Variants in NBPF3 observed in about 807,000 individuals in gnomAD.
NBPF3 encodes NBPF member 3.
A neutral mutation model predicts 78.1 loss-of-function variants in NBPF3; 57 were observed. That is an observed-to-expected ratio of 0.73 (90% CI 0.59 to 0.91). The LOEUF (loss-of-function observed/expected upper bound fraction) is 0.91. NBPF3 is among the 40% of genes least tolerant of loss of function. The pLI is 0.00. For synonymous variants in NBPF3, 182 were observed against 271.7 expected, an observed-to-expected ratio of 0.67 and a Z score of 3.25; for missense variants, 510 against 715.3, an observed-to-expected ratio of 0.71 and a Z score of 3.27.
At chr1:21,438,775 C>A (rs6668141), upstream of NBPF3, among the ~76,000 whole-genome samples, 1 of 152,098 alleles carries the variant, frequency 6.6e-6, no homozygotes, top group South Asian at 2.1e-4. Flanking sequence ...TTCCCTAGGG[C>A]CTGGGGTGAG....
chr1:21,466,028 T>A (rs1642242283), intron 2 of NBPF3: 1 of 749,880 alleles, frequency 1.3e-6, no homozygotes, highest in Non-Finnish European at 1.6e-6. Context: ...CACTCTACAG[T>A]ATGGGTTGCC....
intron 2 of NBPF3, chr1:21,466,257 AAT>A: frequency 4.3e-6 from 1 of 231,382 alleles, no homozygotes; most frequent in Admixed American, 6.7e-5. Flanking sequence ...CATCTTCAAA[AAT>A]CCAAACTAAT....
chr1:21,439,500 AT>A (rs756863674), upstream of NBPF3, among the ~76,000 whole-genome samples: 16 of 146,118 alleles, frequency 1.1e-4, no homozygotes, highest in Admixed American at 2.7e-4. Flanking sequence ...AAAAAAAAAA[AT>A]AAAAATAAAA....
At chr1:21,468,291 G>A (rs2147977893) in intron 2 of NBPF3, 1 of 657,042 alleles carries the variant, frequency 1.5e-6, no homozygotes, top group South Asian at 3.4e-5. Context: ...CGAACACTGA[G>A]AGTGAATTTT....
At chr1:21,437,821 ATTT>A (rs3053525), upstream of NBPF3, among the ~76,000 whole-genome samples, 789 of 143,438 alleles carry the variant, frequency 5.5e-3, 11 homozygotes, top group African/African-American at 0.018. Context: ...TGCCTGGCTA[ATTT>A]TTTTTTTTTT....
intron 2 of NBPF3, chr1:21,467,221 T>G (rs1642323405): frequency 6.1e-6 from 6 of 985,424 alleles, no homozygotes; most frequent in Non-Finnish European, 7.2e-6. Flanking sequence ...GAGACATGCT[T>G]TGAAATGGGA....
chr1:21,456,209 C>G (rs1273862104), intron 2 of NBPF3, among the ~76,000 whole-genome samples: 2 of 152,198 alleles, frequency 1.3e-5, no homozygotes, highest in African/African-American at 4.8e-5. Flanking sequence ...TTTACGCCCA[C>G]TAGAGCAAAA....
rs1441933371 is a variant in NBPF3, at chr1:21,483,872, A to G, written c.*486A>G. On this transcript the variant is annotated 3_prime_UTR_variant, in exon 15 of 15. Coordinates refer to ENST00000318249, the MANE Select transcript of NBPF3 (RefSeq NM_032264.6). ...GATCCTTGGCTGAGGATTGTATTTC[A>G]GAACCACTGACTGCTCTTGACAGTT... 1 of 132,022 alleles carries G rather than the reference A, an allele frequency of 7.6e-6. No individual in the cohort carries two copies. The highest frequency in any genetic ancestry group is 2.4e-4 in the East Asian group (1 of 4,228). The allele number at this position is 132,022 out of a possible 1,614,324, so 8.2% of individuals were successfully genotyped here. A position where few individuals can be genotyped will look rare whatever the true frequency, so the allele number is the denominator to read the frequency against.
intron 2 of NBPF3, among the ~76,000 whole-genome samples, chr1:21,464,303 G>GATGCAGGCTA (rs1642128371): frequency 6.6e-6 from 1 of 152,218 alleles, no homozygotes; most frequent in African/African-American, 2.4e-5. Flanking sequence ...TTGAAGTACT[G>GATGCAGGCTA]ATGCAGGCTA....
In NBPF3 at chr1:21,441,398, A is replaced by T. The variant is rs191548044; in HGVS notation, c.-140+1050A>T. On this transcript the variant is annotated intron_variant, in intron 1 of 14. Transcript: ENST00000318249. ...GAAAAGTTACTGAAGTATACAGAAG[A>T]AGTTCACAATTTTAAATGTGCAGGG... 4.9e-3 allele frequency among the ~76,000 whole-genome samples: 739 copies of T among 152,308 alleles called. 4 individuals carry two copies. Among genetic ancestry groups the T allele is most frequent in the Non-Finnish European group, 8.9e-3 (607 of 68,028 alleles).
At chr1:21,466,559 C>T (rs1382894039) in intron 2 of NBPF3, among the ~76,000 whole-genome samples, 2 of 152,254 alleles carry the variant, frequency 1.3e-5, no homozygotes, top group Admixed American at 6.5e-5. Flanking sequence ...TTCCAGAGTT[C>T]CAGGGGAATT....
rs1413925569 is a variant in NBPF3, at chr1:21,460,533, G to A, written c.134-8155G>A. On this transcript the variant is annotated intron_variant, in intron 2 of 14. Transcript: ENST00000318249. The surrounding 1 kb of genome is among the most constrained non-coding windows in gnomAD (Gnocchi z 4.2). The stretch of plus-strand genomic sequence containing the variant: ...ACCAATGCTCTTCATTGAGGAAATG[G>A]AAGACTTTTAAGTAAAAGGATTTTG... 6.6e-6 allele frequency among the ~76,000 whole-genome samples: 1 copy of A among 152,160 alleles called. No homozygotes were observed. Among genetic ancestry groups the A allele is most frequent in the East Asian group, 1.9e-4 (1 of 5,202 alleles).
In NBPF3 at chr1:21,454,893, GTCT is replaced by G. The variant is rs778999350; in HGVS notation, c.133+9681_133+9683del. 4.8e-4 allele frequency among the ~76,000 whole-genome samples: 73 copies of G among 152,206 alleles called. 1 individual carries two copies. Among genetic ancestry groups the G allele is most frequent in the South Asian group, 4.1e-4 (2 of 4,834 alleles). On this transcript the variant is annotated intron_variant, in intron 2 of 14. Transcript: ENST00000318249. The stretch of plus-strand genomic sequence containing the variant: ...AGAAGTTCAGGCCTGGATTCGCTGG[GTCT>G]TCTTCTCAGGGCCTCACAGGCTGAA...
intron 2 of NBPF3, 27 bp from the exon 3 acceptor site, chr1:21,468,661 T>C (rs1642408504): frequency 1.9e-6 from 3 of 1,611,650 alleles, no homozygotes; most frequent in Non-Finnish European, 2.5e-6. Context: ...TTTTAACCCA[T>C]CGTGTGTTTG....
chr1:21,483,266 CT>C lies in NBPF3; in HGVS notation c.1786del (p.Tyr596ThrfsTer21). 2 of 1,360,426 alleles carry C rather than the reference CT, an allele frequency of 1.5e-6. No homozygotes were observed. The highest frequency in any genetic ancestry group is 2.0e-6 in the Non-Finnish European group (2 of 1,016,716). 84.3% of individuals were successfully genotyped at this position (1,360,426 alleles called of 1,614,324 possible). Reference sequence around the variant, plus strand: ...CCTCATTCCAGCAGTATAGAAGTGCCTTTTACTCATTTGAGGAACAGGACGT... The same window carrying C: ...CCTCATTCCAGCAGTATAGAAGTGCCTTTACTCATTTGAGGAACAGGACGT... ...HASFQQYRSA[F>X]YSFEEQDVSL... On this transcript the variant is annotated frameshift_variant, in exon 15 of 15. Transcript: ENST00000318249. LOFTEE classifies it low-confidence loss of function (END_TRUNC).
intron 2 of NBPF3, among the ~76,000 whole-genome samples, chr1:21,445,425 G>A (rs1640911282): frequency 6.6e-6 from 1 of 152,198 alleles, no homozygotes; most frequent in Non-Finnish European, 1.5e-5. Flanking sequence ...GTGGTCAGGT[G>A]GAAGTGATTT....
At chr1:21,451,224 G>A (rs1172602798) in intron 2 of NBPF3, among the ~76,000 whole-genome samples, 1 of 152,180 alleles carries the variant, frequency 6.6e-6, no homozygotes, top group African/African-American at 2.4e-5. Context: ...GTCCATTCTT[G>A]TATTGACAGA....
At chr1:21,437,146 G>A (rs990242524), upstream of NBPF3, among the ~76,000 whole-genome samples, 3 of 152,138 alleles carry the variant, frequency 2.0e-5, no homozygotes, top group African/African-American at 7.2e-5. Context: ...AGGACCCTGG[G>A]AAAAGGTCTA....
chr1:21,478,476 C>T (rs187695990), intron 9 of NBPF3, among the ~76,000 whole-genome samples, 169 bp downstream of exon 9: 8 of 152,324 alleles, frequency 5.3e-5, no homozygotes, highest in African/African-American at 1.4e-4. Context: ...GAAGCACAGG[C>T]GTGGGGTGGG....
Sources: allele counts gnomAD v4.1 joint callset (sites outside exome capture counted in the v4.1 genomes callset), GRCh38; gene constraint gnomAD v4.1.1; non-coding constraint Gnocchi (gnomAD v3.1); transcripts MANE v1.5; gene names NCBI Gene and HGNC (gene_info 2026-07-23, HGNC 2026-07-21).